Variants in ZMIZ1 observed in about 807,000 individuals in gnomAD.
ZMIZ1 encodes zinc finger MIZ domain-containing protein 1.
A neutral mutation model predicts 113.9 loss-of-function variants in ZMIZ1; 17 were observed. The ratio of observed to expected loss-of-function variants is 0.15; its 90% CI spans 0.10 to 0.22. ZMIZ1 has a LOEUF of 0.22. Among genes scored for constraint, ZMIZ1 ranks in the 10% least tolerant of loss-of-function variants. The probability of loss-of-function intolerance (pLI) is 1.00; values close to 1 mark genes in which losing one functional copy is unlikely to be tolerated. For synonymous variants in ZMIZ1, 607 were observed against 603.1 expected, an observed-to-expected ratio of 1.01 and a Z score of -0.09; for missense variants, 1,059 against 1,477.8, an observed-to-expected ratio of 0.72 and a Z score of 4.65.
At position 79,314,159 on chromosome 10, in the gene ZMIZ1, C is replaced by T. The variant is rs1448312535; in HGVS notation, c.*1410C>T. 4 of 456,962 alleles carry T rather than the reference C, an allele frequency of 8.8e-6. No individual in the cohort carries two copies. The highest frequency in any genetic ancestry group is 1.3e-5 in the Non-Finnish European group (3 of 227,026). 28.3% of individuals were successfully genotyped at this position (456,962 alleles called of 1,614,324 possible). ...TGGCCTTCCCTCCACCGCTTTGCTC[C>T]ATCTGGCTTACCACTCTCCAGGGCC... On this transcript the variant is annotated 3_prime_UTR_variant, in exon 25 of 25. Transcript: ENST00000334512.
intron 3 of ZMIZ1, among the ~76,000 whole-genome samples, chr10:79,144,208 A>G (rs920784535): frequency 1.3e-5 from 2 of 152,128 alleles, no homozygotes; most frequent in African/African-American, 4.8e-5. Flanking sequence ...ATCAGGCGGG[A>G]CTGGACTGGA....
intron 18 of ZMIZ1, among the ~76,000 whole-genome samples, chr10:79,303,384 G>A (rs1854460479): frequency 6.6e-6 from 1 of 150,872 alleles, no homozygotes; most frequent in Non-Finnish European, 1.5e-5. Context: ...GAGCTGGGGA[G>A]GTCGAGGCTG....
intron 9 of ZMIZ1, chr10:79,290,642 C>T (rs1470869604): frequency 1.1e-5 from 6 of 548,292 alleles, no homozygotes; most frequent in East Asian, 4.0e-5. Context: ...GTACCTGGTA[C>T]AAGAGCAGCC....
At chr10:79,104,231 G>A (rs1461304984) in intron 1 of ZMIZ1, among the ~76,000 whole-genome samples, 2 of 152,168 alleles carry the variant, frequency 1.3e-5, no homozygotes, top group South Asian at 2.1e-4. Context: ...TTTCGATGAC[G>A]GAGATTTGGT....
intron 4 of ZMIZ1, among the ~76,000 whole-genome samples, chr10:79,198,118 A>G (rs1427994894): frequency 1.3e-5 from 2 of 152,020 alleles, no homozygotes; most frequent in Non-Finnish European, 2.9e-5. Flanking sequence ...AACTAGCCGG[A>G]CGTGGTGGTG....
chr10:79,076,291 GC>G (rs1295923282), intron 1 of ZMIZ1, among the ~76,000 whole-genome samples: 1 of 152,196 alleles, frequency 6.6e-6, no homozygotes, highest in Non-Finnish European at 1.5e-5. Context: ...GCCTGGCACA[GC>G]CCCCCTTAGC....
intron 7 of ZMIZ1, among the ~76,000 whole-genome samples, chr10:79,238,593 G>A (rs1250595): frequency 0.46 from 69,432 of 152,046 alleles, 15,969 homozygotes; most frequent in East Asian, 0.56. Context: ...AATATAAAAC[G>A]GAGTTGGGGG....
intron 2 of ZMIZ1, among the ~76,000 whole-genome samples, chr10:79,128,014 C>T (rs2132357905): frequency 6.6e-6 from 1 of 152,304 alleles, no homozygotes; most frequent in South Asian, 2.1e-4. Context: ...CATGCAGTTC[C>T]TTGCGCTGAG....
At position 79,144,853 on chromosome 10, in the gene ZMIZ1, G is replaced by A. The variant is rs375834595; in HGVS notation, c.-131+5076G>A. Among the ~76,000 whole-genome samples the A allele has an allele frequency of 5.9e-5, 9 of 152,022 alleles. 1 individual carries two copies. In the East Asian group the frequency reaches 9.7e-4, roughly 16 times the overall value. ...GTTAGGTATTCAATGTTCGGTGGGC[G>A]GGCTTGCTTTCCGTCTGCCTCTCAG... On this transcript the variant is annotated intron_variant, in intron 3 of 24. Coordinates refer to ENST00000334512, the MANE Select transcript of ZMIZ1 (RefSeq NM_020338.4).
chr10:79,267,670 G>T (rs1010191602), intron 7 of ZMIZ1, among the ~76,000 whole-genome samples: 2 of 152,146 alleles, frequency 1.3e-5, no homozygotes, highest in African/African-American at 4.8e-5. Flanking sequence ...TTGTGTTCTT[G>T]GTCACTCTGC....
intron 7 of ZMIZ1, among the ~76,000 whole-genome samples, chr10:79,268,112 C>G (rs776924493): frequency 6.6e-6 from 1 of 152,234 alleles, no homozygotes; most frequent in Non-Finnish European, 1.5e-5. Context: ...GCAGCACTAT[C>G]TCCAGGGAGC....
At chr10:79,079,741 A>G (rs573040248) in intron 1 of ZMIZ1, among the ~76,000 whole-genome samples, 2 of 152,192 alleles carry the variant, frequency 1.3e-5, no homozygotes, top group African/African-American at 2.4e-5. Flanking sequence ...TGTGAGACCT[A>G]CTAGGGGTGT....
intron 18 of ZMIZ1, among the ~76,000 whole-genome samples, chr10:79,302,861 G>GTTTTTTTTT (rs34181232): frequency 8.6e-6 from 1 of 116,050 alleles, no homozygotes. Context: ...GCCCAGCTAA[G>GTTTTTTTTT]TTTTTTTTTT....
chr10:79,169,268 T>C (rs4548571), intron 4 of ZMIZ1, among the ~76,000 whole-genome samples: 1 of 152,194 alleles, frequency 6.6e-6, no homozygotes, highest in African/African-American at 2.4e-5. Flanking sequence ...ACCCCTGCCC[T>C]TGTCACCACC....
intron 4 of ZMIZ1, among the ~76,000 whole-genome samples, chr10:79,166,895 G>C (rs1846373786): frequency 6.6e-6 from 1 of 152,238 alleles, no homozygotes; most frequent in Non-Finnish European, 1.5e-5. Context: ...CCTGCTGCGT[G>C]CCCAGCCAAC....
At chr10:79,290,676 C>T (rs1853426138) in intron 9 of ZMIZ1, 5 of 637,580 alleles carry the variant, frequency 7.8e-6, no homozygotes, top group African/African-American at 7.1e-5. Flanking sequence ...CTGGGCTGCG[C>T]AGCCCCTGGG....
At chr10:79,090,681 GT>G (rs1481792528) in intron 1 of ZMIZ1, among the ~76,000 whole-genome samples, 1 of 152,208 alleles carries the variant, frequency 6.6e-6, no homozygotes, top group Non-Finnish European at 1.5e-5. Flanking sequence ...GCAGCGGTGC[GT>G]TTCCTTTCAC....
chr10:79,145,435 C>CA (rs1845441448), intron 3 of ZMIZ1, among the ~76,000 whole-genome samples: 2 of 152,190 alleles, frequency 1.3e-5, no homozygotes, highest in Non-Finnish European at 2.9e-5. Context: ...GTGAAGAACA[C>CA]AGAGTCTAGG....
At chr10:79,075,874 C>T (rs1252992110) in intron 1 of ZMIZ1, among the ~76,000 whole-genome samples, 1 of 152,212 alleles carries the variant, frequency 6.6e-6, no homozygotes, top group African/African-American at 2.4e-5. Flanking sequence ...TGGTGTCTGG[C>T]TTAAATGGAG....
Sources: gnomAD v4.1 joint callset for allele counts (sites outside exome capture counted in the v4.1 genomes callset) on GRCh38, gnomAD v4.1.1 for gene constraint, MANE v1.5 for transcripts, NCBI Gene and HGNC (gene_info 2026-07-23, HGNC 2026-07-21) for gene names.